Variants in KDM5C observed in about 807,000 individuals in gnomAD.
KDM5C encodes lysine demethylase 5C, also known as lysine-specific demethylase 5C.
KDM5C carries 16 observed loss-of-function variants against 110.6 expected under a neutral mutation model. The observed-to-expected ratio is 0.14, with a 90% CI of 0.10 to 0.22. The LOEUF (loss-of-function observed/expected upper bound fraction) is 0.22. KDM5C is among the 10% of genes least tolerant of loss of function. The pLI is 1.00. For missense variants in KDM5C, 681 were observed against 1,300.9 expected (o/e 0.52, Z 7.33); for synonymous variants, 511 against 520.4 (o/e 0.98, Z 0.24).
intron 14 of KDM5C, 149 bp downstream of exon 14, chrX:53,201,401 T>C (rs1173296455): frequency 5.4e-6 from 3 of 555,634 alleles, no homozygotes; most frequent in African/African-American, 2.3e-5. Flanking sequence ...GTAAAGGGTA[T>C]AGCAGAGAAT....
chrX:53,217,646 G>A, intron 4 of KDM5C, 150 bp downstream of exon 4: 1 of 621,865 alleles, frequency 1.6e-6, no homozygotes, highest in Non-Finnish European at 2.6e-6. Context: ...CTCTGACCCT[G>A]AGCAGTGTAG....
intron 22 of KDM5C, 59 bp from the exon 23 acceptor site, chrX:53,194,797 G>A (rs1934702993): frequency 1.7e-6 from 2 of 1,199,532 alleles, no homozygotes; most frequent in Non-Finnish European, 2.2e-6. Flanking sequence ...CCTTCTCTGG[G>A]CCCCCCCTTA....
At chrX:53,205,489 A>T (rs1308874904) in intron 12 of KDM5C, among the ~76,000 whole-genome samples, 5 of 112,235 alleles carry the variant, frequency 4.5e-5, no homozygotes, top group African/African-American at 1.6e-4. Context: ...AACTGCCAGA[A>T]CTATCTTCCA....
At position 53,193,084 on chromosome X, in the gene KDM5C, G is replaced by T. The variant is rs1245355138; in HGVS notation, c.4566C>A (p.Asn1522Lys). Residue 1522 changes from asparagine to lysine, a missense_variant, in exon 26 of 26, where the codon AAC becomes AAA. Physicochemically the swap from Asn to Lys is moderately conservative, Grantham distance 94. Coordinates refer to ENST00000375401, the MANE Select transcript of KDM5C (RefSeq NM_004187.5). Reference protein sequence around the residue: ...PTTGSPSTQENQNGLEPAEGT... With the variant: ...PTTGSPSTQEKQNGLEPAEGT... ...CTTCCGCCGGTTCCAAGCCATTCTG[G>T]TTCTCCTGGGTGCTGGGGCTGCCAG... 5.8e-6 allele frequency: 7 copies of T among 1,207,054 alleles called. No individual in the cohort carries two copies. Among genetic ancestry groups the T allele is most frequent in the Middle Eastern group, 2.3e-4 (1 of 4,339 alleles).
chrX:53,205,958 A>G (rs1413214952), intron 12 of KDM5C, among the ~76,000 whole-genome samples: 1 of 112,370 alleles, frequency 8.9e-6, no homozygotes, highest in African/African-American at 3.2e-5. Context: ...AGCCAGGAGT[A>G]GAACTTGATG....
intron 20 of KDM5C, 122 bp downstream of exon 20, chrX:53,195,794 C>A: frequency 1.3e-6 from 1 of 745,725 alleles, no homozygotes; most frequent in Non-Finnish European, 2.0e-6. Context: ...TGACTACATG[C>A]CATGCCCCCT....
chrX:53,198,357 C>T (rs1032100399), intron 17 of KDM5C, 133 bp downstream of exon 17: 11 of 835,360 alleles, frequency 1.3e-5, no homozygotes, highest in Non-Finnish European at 1.7e-5. Context: ...CCATCTCACA[C>T]TCTTGTGCCT....
chrX:53,177,961 C>G (rs1396227653), intron 25 of KDM5C, among the ~76,000 whole-genome samples: 1 of 111,293 alleles, frequency 9.0e-6, no homozygotes, highest in African/African-American at 3.3e-5. Context: ...CGGGCTCAAG[C>G]AATCCTCCCA....
intron 1 of KDM5C, among the ~76,000 whole-genome samples, chrX:53,223,517 C>G (rs995985939): frequency 4.5e-5 from 5 of 111,588 alleles, no homozygotes; most frequent in African/African-American, 9.8e-5. Flanking sequence ...GGGAATGAAG[C>G]TTCCTATTCC....
chrX:53,200,761 AT>A (rs782435685), intron 14 of KDM5C, among the ~76,000 whole-genome samples: 1 of 112,528 alleles, frequency 8.9e-6, no homozygotes, highest in Admixed American at 9.4e-5. Flanking sequence ...CACAAAGTCA[AT>A]TCCCTAACTG....
In KDM5C at chrX:53,197,503, C is replaced by G. The variant is rs781913024; in HGVS notation, c.2622+268G>C. On this transcript the variant is annotated intron_variant, in intron 18 of 25. Transcript: ENST00000375401. ...CACTTTCCAAGCCCAACAAGCACCCCTGTTACCTCCTTCTCCTCTACCCCT... is the reference window on the plus strand; with the variant it reads ...CACTTTCCAAGCCCAACAAGCACCCGTGTTACCTCCTTCTCCTCTACCCCT... 2.8e-4 allele frequency among the ~76,000 whole-genome samples: 31 copies of G among 110,071 alleles called. 1 individual carries two copies. The South Asian group carries it at 0.012, about 42-fold the overall frequency.
Sources: allele counts gnomAD v4.1 joint callset (sites outside exome capture counted in the v4.1 genomes callset), GRCh38; gene constraint gnomAD v4.1.1; transcripts MANE v1.5; gene names NCBI Gene and HGNC (gene_info 2026-07-23, HGNC 2026-07-21).